The following FOXK2 variants were observed in gnomAD, a reference collection of about 807,000 sequenced individuals.
The protein encoded by FOXK2 is forkhead box protein K2.
In FOXK2, 24 loss-of-function variants were observed where a neutral mutation model predicts 53.3. The ratio of observed to expected loss-of-function variants is 0.45; its 90% CI spans 0.33 to 0.63. The LOEUF (loss-of-function observed/expected upper bound fraction) is 0.63. Among genes scored for constraint, FOXK2 ranks in the 30% least tolerant of loss-of-function variants. The pLI is 0.03. For missense variants in FOXK2, 952 were observed against 910.5 expected (o/e 1.05, Z -0.59); for synonymous variants, 505 against 407.1 (o/e 1.24, Z -2.89).
At chr17:82,520,328 G>C in intron 1 of FOXK2, 21 bp downstream of exon 1, 1 of 1,254,510 alleles carries the variant, frequency 8.0e-7, no homozygotes, top group Non-Finnish European at 1.0e-6. Context: ...TCGGGGCGGG[G>C]CGGGCGGGGT....
chr17:82,579,539 C>T (rs1189951820), intron 4 of FOXK2, among the ~76,000 whole-genome samples: 1 of 131,434 alleles, frequency 7.6e-6, no homozygotes, highest in Non-Finnish European at 1.6e-5. Context: ...CCATGTCACC[C>T]ATGAAGTAGC....
At chr17:82,528,252 G>A (rs1212610876) in intron 1 of FOXK2, among the ~76,000 whole-genome samples, 6 of 152,094 alleles carry the variant, frequency 3.9e-5, no homozygotes, top group Non-Finnish European at 8.8e-5. Context: ...CAGGAGATGA[G>A]GCTGTTACAG....
intron 1 of FOXK2, among the ~76,000 whole-genome samples, chr17:82,552,261 G>A (rs972834886): frequency 5.3e-5 from 8 of 152,150 alleles, no homozygotes; most frequent in African/African-American, 1.2e-4. Context: ...GAGAACTTCC[G>A]TTTTCCCAGA....
At chr17:82,586,228 G>T in intron 7 of FOXK2, 28 bp downstream of exon 7, 2 of 1,253,108 alleles carry the variant, frequency 1.6e-6, no homozygotes, top group Non-Finnish European at 1.1e-6. Context: ...GAGGAGAGGG[G>T]AGACCACAGG....
At chr17:82,563,591 G>T (rs375197792) in intron 2 of FOXK2, 43 bp downstream of exon 2, 1 of 1,555,306 alleles carries the variant, frequency 6.4e-7, no homozygotes, top group Non-Finnish European at 8.7e-7. Flanking sequence ...CTTAGTCCCA[G>T]TGGCAGCCCC....
intron 1 of FOXK2, among the ~76,000 whole-genome samples, chr17:82,557,836 T>C (rs2044748281): frequency 6.6e-6 from 1 of 151,972 alleles, no homozygotes; most frequent in Non-Finnish European, 1.5e-5. Context: ...TTTTTGTAGA[T>C]ATGTGGGGGT....
At chr17:82,573,927 G>C (rs1248940291) in intron 4 of FOXK2, among the ~76,000 whole-genome samples, 1 of 151,018 alleles carries the variant, frequency 6.6e-6, no homozygotes, top group East Asian at 1.9e-4. Context: ...CCTCAGTTTT[G>C]GGGGGGCCCA....
At chr17:82,600,098 G>A (rs368269868) in intron 8 of FOXK2, 72 of 152,400 alleles carry the variant, frequency 4.7e-4, no homozygotes, top group African/African-American at 1.6e-3. Context: ...GCAGCCTAGG[G>A]GCCTAGGACC....
At chr17:82,568,231 C>G (rs1471395544) in intron 3 of FOXK2, 30 bp downstream of exon 3, 1 of 1,609,692 alleles carries the variant, frequency 6.2e-7, no homozygotes, top group African/African-American at 1.3e-5. Flanking sequence ...GAAGCAGCCC[C>G]TGGGGGACAG....
chr17:82,586,097 G>A lies in FOXK2; in HGVS notation c.1473G>A (p.Ala491=), dbSNP rs748655226. ...CCAGTGTGGCCGGACTGGCCCCAGC[G>A]AACACGTACACTGTCTCTGGACAAG... ...SVTSVAGLAP[A]NTYTVSGQAV... The change falls in exon 7 of 9, where the codon GCG becomes GCA. Residue 491 remains alanine, a synonymous_variant. Coordinates refer to ENST00000335255, the MANE Select transcript of FOXK2 (RefSeq NM_004514.4). The A allele has an allele frequency of 4.2e-5, 67 of 1,612,622 alleles. No homozygotes were observed. The highest frequency in any genetic ancestry group is 9.3e-5 in the African/African-American group (7 of 74,940).
chr17:82,571,673 A>G, intron 3 of FOXK2, 51 bp from the exon 4 acceptor site: 1 of 1,449,988 alleles, frequency 6.9e-7, no homozygotes, highest in Non-Finnish European at 9.1e-7. Context: ...TAAATTTAAT[A>G]CAAAATATGG....
chr17:82,543,639 AT>A (rs888893474), intron 1 of FOXK2, among the ~76,000 whole-genome samples: 9 of 150,994 alleles, frequency 6.0e-5, no homozygotes, highest in African/African-American at 2.2e-4. Context: ...TTTTATTTTT[AT>A]TTTTTAGTGA....
intron 8 of FOXK2, among the ~76,000 whole-genome samples, chr17:82,596,737 T>G (rs116669384): frequency 6.6e-6 from 1 of 152,320 alleles, no homozygotes; most frequent in African/African-American, 2.4e-5. Context: ...GGGACGGTGT[T>G]GAATCCAGAG....
At chr17:82,587,421 C>G (rs1480844138) in intron 8 of FOXK2, 149 bp downstream of exon 8, 2 of 685,770 alleles carry the variant, frequency 2.9e-6, no homozygotes, top group Non-Finnish European at 5.1e-6. Context: ...TCTAGTCATG[C>G]TGGGGAAGTG....
intron 1 of FOXK2, among the ~76,000 whole-genome samples, chr17:82,535,282 C>T (rs2044509675): frequency 6.6e-6 from 1 of 152,152 alleles, no homozygotes; most frequent in African/African-American, 2.4e-5. Context: ...TTTTGGCTTT[C>T]AACACTGATT....
intron 4 of FOXK2, among the ~76,000 whole-genome samples, chr17:82,572,794 A>C (rs1421968992): frequency 1.3e-4 from 20 of 152,200 alleles, no homozygotes; most frequent in Admixed American, 1.3e-3. Context: ...TCTAAACTAC[A>C]TGGCTTAGTG....
At chr17:82,562,184 G>A (rs1340855050) in intron 1 of FOXK2, among the ~76,000 whole-genome samples, 1 of 152,248 alleles carries the variant, frequency 6.6e-6, no homozygotes, top group Admixed American at 6.5e-5. Context: ...TACATGAAGT[G>A]TGAACCAGAG....
At chr17:82,560,452 G>A (rs967959296) in intron 1 of FOXK2, among the ~76,000 whole-genome samples, 6 of 152,188 alleles carry the variant, frequency 3.9e-5, no homozygotes, top group East Asian at 3.9e-4. Context: ...TAAGGGAAGC[G>A]GTCTCACTGT....
At position 82,532,767 on chromosome 17, in the gene FOXK2, C is replaced by T. The variant is rs187717457; in HGVS notation, c.419+12460C>T. ...ATTTTTAGTAGAGATGGGGTTTTGC[C>T]GTGTTGACCAGGCTGGTCTCGAACT... On this transcript the variant is annotated intron_variant, in intron 1 of 8. Coordinates refer to ENST00000335255, the MANE Select transcript of FOXK2 (RefSeq NM_004514.4). 1.5e-3 allele frequency among the ~76,000 whole-genome samples: 230 copies of T among 151,802 alleles called. 1 individual carries two copies. Among genetic ancestry groups the T allele is most frequent in the African/African-American group, 5.2e-3 (216 of 41,372 alleles).
Sources: allele counts gnomAD v4.1 joint callset (sites outside exome capture counted in the v4.1 genomes callset), GRCh38; gene constraint gnomAD v4.1.1; transcripts MANE v1.5; gene names NCBI Gene and HGNC (gene_info 2026-07-23, HGNC 2026-07-21).